The following MAP3K21 variants were observed in gnomAD, a reference collection of about 807,000 sequenced individuals.
MAP3K21 encodes mitogen-activated protein kinase kinase kinase 21.
In MAP3K21, 63 loss-of-function variants were observed where a neutral mutation model predicts 86.1. The observed-to-expected ratio is 0.73, with a 90% CI of 0.60 to 0.90. The LOEUF is 0.90. Ranked by LOEUF, MAP3K21 falls within the 40% of genes least tolerant of loss-of-function variation. The probability of loss-of-function intolerance (pLI) is 0.00; values close to 1 mark genes in which losing one functional copy is unlikely to be tolerated. For missense variants in MAP3K21, 1,220 were observed against 1,367.7 expected (o/e 0.89, Z 1.70); for synonymous variants, 558 against 564.8 (o/e 0.99, Z 0.17).
At chr1:233,333,575 C>T (rs1662853007) in intron 1 of MAP3K21, among the ~76,000 whole-genome samples, 1 of 146,962 alleles carries the variant, frequency 6.8e-6, no homozygotes, top group Admixed American at 7.0e-5. Flanking sequence ...ATGGTGAGAC[C>T]CTGGACTACA....
intron 1 of MAP3K21, among the ~76,000 whole-genome samples, chr1:233,342,743 T>A (rs887225413): frequency 6.6e-6 from 1 of 152,126 alleles, no homozygotes; most frequent in South Asian, 2.1e-4. Context: ...ATAGGAAGAA[T>A]GAAAGGTTAT....
chr1:233,347,297 A>G (rs150540854), intron 2 of MAP3K21, among the ~76,000 whole-genome samples: 131 of 152,336 alleles, frequency 8.6e-4, no homozygotes, highest in Non-Finnish European at 1.6e-3. Flanking sequence ...TTCATTTTAT[A>G]GATTGCATCA....
chr1:233,361,152 G>C (rs1214275515), intron 4 of MAP3K21, among the ~76,000 whole-genome samples: 1 of 152,144 alleles, frequency 6.6e-6, no homozygotes, highest in Non-Finnish European at 1.5e-5. Context: ...TAAAAATGGG[G>C]ATATAATTTT....
intron 1 of MAP3K21, among the ~76,000 whole-genome samples, chr1:233,330,182 A>G (rs1662784503): frequency 6.6e-6 from 1 of 152,222 alleles, no homozygotes; most frequent in Non-Finnish European, 1.5e-5. Context: ...ATTGTAAATA[A>G]TTGGAATGTT....
chr1:233,333,963 C>T (rs947936447), intron 1 of MAP3K21, among the ~76,000 whole-genome samples: 1 of 152,046 alleles, frequency 6.6e-6, no homozygotes, highest in Non-Finnish European at 1.5e-5. Flanking sequence ...CCCGGGTTCA[C>T]GCCATTCTCC....
chr1:233,359,105 G>T (rs1381002975), intron 4 of MAP3K21, among the ~76,000 whole-genome samples: 1 of 152,140 alleles, frequency 6.6e-6, no homozygotes, highest in Non-Finnish European at 1.5e-5. Flanking sequence ...GAGCCACCAG[G>T]CCCGGCCTTA....
intron 5 of MAP3K21, among the ~76,000 whole-genome samples, chr1:233,368,542 C>A (rs769799298): frequency 6.6e-6 from 1 of 151,448 alleles, no homozygotes; most frequent in Non-Finnish European, 1.5e-5. Context: ...GTAGTACCAG[C>A]TACTCAGAAG....
chr1:233,329,090 A>G (rs969467763), intron 1 of MAP3K21, among the ~76,000 whole-genome samples: 1 of 152,132 alleles, frequency 6.6e-6, no homozygotes, highest in Non-Finnish European at 1.5e-5. Flanking sequence ...TAGAGGAAAC[A>G]TTTGTAAAAT....
At chr1:233,350,778 G>C (rs1175698814) in intron 2 of MAP3K21, among the ~76,000 whole-genome samples, 1 of 152,200 alleles carries the variant, frequency 6.6e-6, no homozygotes, top group Non-Finnish European at 1.5e-5. Flanking sequence ...CCAGGGCTGA[G>C]ATCCATGACT....
At chr1:233,366,660 G>A (rs1024450712) in intron 5 of MAP3K21, among the ~76,000 whole-genome samples, 12 of 152,152 alleles carry the variant, frequency 7.9e-5, no homozygotes, top group African/African-American at 1.4e-4. Flanking sequence ...GAATTTCTCC[G>A]AAACATATTC....
chr1:233,355,015 A>G lies in MAP3K21; in HGVS notation c.1311+4A>G, dbSNP rs748155396. 2.5e-6 allele frequency: 4 copies of G among 1,605,704 alleles called. No individual in the cohort carries two copies. In the Admixed American group the frequency reaches 5.1e-5, roughly 20 times the overall value. On this transcript the variant is annotated splice_donor_region_variant and intron_variant, in intron 4 of 9. Coordinates refer to ENST00000366624, the MANE Select transcript of MAP3K21 (RefSeq NM_032435.3). ...TGAGTTGAGAACAAAGGAAAAGGTG[A>G]GAGAAATTTTTAAACAGCATAATGT... is the stretch of plus-strand genomic sequence containing the variant.
At chr1:233,378,371 T>G (rs1663838913) in intron 8 of MAP3K21, among the ~76,000 whole-genome samples, 1 of 152,200 alleles carries the variant, frequency 6.6e-6, no homozygotes, top group African/African-American at 2.4e-5. Flanking sequence ...ACTGCTGGAC[T>G]CCACTCTTCA....
chr1:233,358,103 T>G (rs1303683634), intron 4 of MAP3K21, among the ~76,000 whole-genome samples: 8 of 151,476 alleles, frequency 5.3e-5, no homozygotes, highest in African/African-American at 1.9e-4. Context: ...TGCCTGATGG[T>G]TTTGAGGCCT....
chr1:233,339,593 A>G (rs1572240381), intron 1 of MAP3K21, among the ~76,000 whole-genome samples: 1 of 149,520 alleles, frequency 6.7e-6, no homozygotes, highest in Non-Finnish European at 1.5e-5. Flanking sequence ...TCATAATCCT[A>G]CCTCAGCCTC....
At position 233,383,834 on chromosome 1, in the gene MAP3K21, T is replaced by C. The variant is rs1203601246; in HGVS notation, c.*1123T>C. ...AGACATCTGTTGAAATAAGCTCATA[T>C]GGTGGAAACGACAACTATATTATGA... On this transcript the variant is annotated 3_prime_UTR_variant, in exon 10 of 10. Transcript: ENST00000366624. 6.6e-6 allele frequency: 1 copy of C among 152,188 alleles called. No individual in the cohort carries two copies. Among genetic ancestry groups the C allele is most frequent in the Non-Finnish European group, 1.5e-5 (1 of 68,034 alleles). 9.4% of individuals were successfully genotyped at this position (152,188 alleles called of 1,614,324 possible).
At chr1:233,382,249 T>C in intron 9 of MAP3K21, 56 bp from the exon 10 acceptor site, 3 of 1,412,288 alleles carry the variant, frequency 2.1e-6, no homozygotes, top group Non-Finnish European at 2.9e-6. Flanking sequence ...TTGATATTCA[T>C]TGTTTTAGAA....
rs758435545 is a variant in MAP3K21 at position 233,382,508 on chromosome 1, C to G, written c.2908C>G (p.Gln970Glu). The G allele has an allele frequency of 3.1e-6, 5 of 1,614,178 alleles. No individual in the cohort carries two copies. The highest frequency in any genetic ancestry group is 1.3e-5 in the African/African-American group (1 of 75,050). Residue 970 changes from glutamine to glutamate, a missense_variant, in exon 10 of 10, where the codon CAG becomes GAG. By Grantham distance (29) the Gln-to-Glu change is conservative. Coordinates refer to ENST00000366624, the MANE Select transcript of MAP3K21 (RefSeq NM_032435.3). The part of the protein sequence containing the change: ...YPQTAVSQLA[Q>E]TACVVGRPGP... ...ACAGACAGCAGTGTCTCAGCTGGCA[C>G]AGACTGCCTGTGTAGTGGGTCGCCC...
chr1:233,334,958 T>TCTTC (rs1362103335), intron 1 of MAP3K21, among the ~76,000 whole-genome samples: 1 of 61,916 alleles, frequency 1.6e-5, no homozygotes, highest in Admixed American at 2.0e-4. Flanking sequence ...CTGATTTCTT[T>TCTTC]CTTTCTTTTT....
intron 1 of MAP3K21, among the ~76,000 whole-genome samples, chr1:233,343,555 G>A (rs1029851756): frequency 2.0e-5 from 3 of 152,152 alleles, no homozygotes; most frequent in Non-Finnish European, 4.4e-5. Context: ...GAGGAGAATG[G>A]GCACCTGAGT....
Sources: allele counts gnomAD v4.1 joint callset (sites outside exome capture counted in the v4.1 genomes callset), GRCh38; gene constraint gnomAD v4.1.1; transcripts MANE v1.5; gene names NCBI Gene and HGNC (gene_info 2026-07-23, HGNC 2026-07-21).